Variants in NBAS observed in about 807,000 individuals in gnomAD.
The protein encoded by NBAS is NAG/BC035112 fusion.
In NBAS, 219 loss-of-function variants were observed where a neutral mutation model predicts 302.5. The observed-to-expected ratio is 0.72, with a 90% CI of 0.65 to 0.81. NBAS has a LOEUF of 0.81. NBAS is among the 30% of genes least tolerant of loss of function. The probability of loss-of-function intolerance (pLI) is 0.00; values close to 1 mark genes in which losing one functional copy is unlikely to be tolerated. For synonymous variants in NBAS, 1,118 were observed against 1,021.6 expected (o/e 1.09, Z -1.80); for missense variants, 2,932 against 2,841.6 (o/e 1.03, Z -0.72).
At chr2:15,492,955 T>A (rs1026610547) in intron 11 of NBAS, among the ~76,000 whole-genome samples, 1 of 152,166 alleles carries the variant, frequency 6.6e-6, no homozygotes, top group South Asian at 2.1e-4. Flanking sequence ...TGGCTCTATA[T>A]CCCCACCCAA....
At chr2:14,798,684 C>G in the NBAS span, among the ~76,000 whole-genome samples, 1 of 151,946 alleles carries the variant, frequency 6.6e-6, no homozygotes. Flanking sequence ...CTACATTACC[C>G]TAGTAAATTC....
intron 6 of NBAS, among the ~76,000 whole-genome samples, chr2:15,546,675 C>T (rs1351867803): frequency 6.6e-6 from 1 of 152,190 alleles, no homozygotes; most frequent in Non-Finnish European, 1.5e-5. Context: ...TTGCAGTGAG[C>T]CTAGATGGCG....
At chr2:15,196,331 G>A (rs1665618499) in intron 48 of NBAS, among the ~76,000 whole-genome samples, 2 of 152,096 alleles carry the variant, frequency 1.3e-5, no homozygotes, top group African/African-American at 4.8e-5. Flanking sequence ...AGTAAAACTT[G>A]AAAATTCTGA....
chr2:15,512,432 C>A (rs979534234), intron 9 of NBAS, among the ~76,000 whole-genome samples: 1 of 152,072 alleles, frequency 6.6e-6, no homozygotes, highest in African/African-American at 2.4e-5. Context: ...AACACAATGG[C>A]CCCCAAAAGA....
chr2:15,340,956 G>A (rs559508759), intron 35 of NBAS, among the ~76,000 whole-genome samples: 1 of 152,214 alleles, frequency 6.6e-6, no homozygotes, highest in Admixed American at 6.5e-5. Context: ...ATGGAGAGTA[G>A]ATGAAAGATA....
chr2:14,793,630 T>A, the NBAS span, among the ~76,000 whole-genome samples: 1 of 152,054 alleles, frequency 6.6e-6, no homozygotes, highest in African/African-American at 2.4e-5. Context: ...AGAAGGAGAA[T>A]GGAGTGGAAA....
At chr2:15,505,674 G>C (rs1028323095) in intron 10 of NBAS, among the ~76,000 whole-genome samples, 3 of 152,134 alleles carry the variant, frequency 2.0e-5, no homozygotes, top group African/African-American at 7.2e-5. Flanking sequence ...TCATAAAAAT[G>C]AACAAGAAAG....
chr2:15,514,312 T>G (rs1023396556), intron 9 of NBAS, among the ~76,000 whole-genome samples: 1 of 152,174 alleles, frequency 6.6e-6, no homozygotes, highest in African/African-American at 2.4e-5. Context: ...TTCCATAAAT[T>G]TATTTCTCAA....
At chr2:15,395,154 G>T (rs1675806426) in intron 27 of NBAS, among the ~76,000 whole-genome samples, 1 of 152,100 alleles carries the variant, frequency 6.6e-6, no homozygotes, top group East Asian at 1.9e-4. Context: ...AACCTGTAGG[G>T]TGTTAAGTGT....
the NBAS span, among the ~76,000 whole-genome samples, chr2:15,057,843 T>C: frequency 7.2e-5 from 11 of 152,344 alleles, no homozygotes; most frequent in East Asian, 2.1e-3. Context: ...TTTGGGTTGG[T>C]TCCATGATTT....
At chr2:15,099,015 C>T in the NBAS span, among the ~76,000 whole-genome samples, 1 of 151,612 alleles carries the variant, frequency 6.6e-6, no homozygotes, top group Non-Finnish European at 1.5e-5. Context: ...ATATCTATAT[C>T]AAGATTTTAG....
intron 12 of NBAS, among the ~76,000 whole-genome samples, chr2:15,486,038 C>T (rs1024871): frequency 0.63 from 95,253 of 152,046 alleles, 30,594 homozygotes; most frequent in Middle Eastern, 0.68. Flanking sequence ...TCCAGCTGAA[C>T]AGCAGCAGGA....
At chr2:15,190,142 A>G (rs1665278901) in intron 49 of NBAS, 122 bp downstream of exon 49, 1 of 1,143,038 alleles carries the variant, frequency 8.7e-7, no homozygotes, top group Non-Finnish European at 1.3e-6. Flanking sequence ...TCTAAAGGCA[A>G]ATACTGACTA....
At chr2:14,790,436 T>A in the NBAS span, among the ~76,000 whole-genome samples, 1 of 152,218 alleles carries the variant, frequency 6.6e-6, no homozygotes, top group South Asian at 2.1e-4. Context: ...TGAAATAGTC[T>A]GTTTTGCAAT....
chr2:15,461,152 A>G, intron 21 of NBAS, 49 bp downstream of exon 21: 1 of 1,506,270 alleles, frequency 6.6e-7, no homozygotes, highest in East Asian at 2.3e-5. Flanking sequence ...TGACAAAAAA[A>G]TTATCAATAT....
chr2:14,966,344 T>C, the NBAS span, among the ~76,000 whole-genome samples: 2 of 152,148 alleles, frequency 1.3e-5, no homozygotes, highest in African/African-American at 2.4e-5. Flanking sequence ...ATTAATGTAA[T>C]CTACCATATT....
chr2:15,112,604 G>T, the NBAS span, among the ~76,000 whole-genome samples: 1 of 152,012 alleles, frequency 6.6e-6, no homozygotes, highest in Non-Finnish European at 1.5e-5. Context: ...GCCATAACCA[G>T]GCATGCTTTG....
At chr2:15,412,733 A>C (rs1452596916) in intron 25 of NBAS, among the ~76,000 whole-genome samples, 4 of 152,188 alleles carry the variant, frequency 2.6e-5, no homozygotes, top group African/African-American at 9.7e-5. Context: ...TCACAATAGA[A>C]GTCACTGTGT....
At chr2:14,992,626 G>A in the NBAS span, among the ~76,000 whole-genome samples, 149 of 152,294 alleles carry the variant, frequency 9.8e-4, no homozygotes, top group African/African-American at 3.3e-3. Flanking sequence ...TGTGGAGTCA[G>A]CCCCGAATCT....
Sources: allele counts gnomAD v4.1 joint callset (sites outside exome capture counted in the v4.1 genomes callset), GRCh38; gene constraint gnomAD v4.1.1; transcripts MANE v1.5; gene names NCBI Gene and HGNC (gene_info 2026-07-23, HGNC 2026-07-21).